Variants in PRKN observed in about 807,000 individuals in gnomAD.
The protein encoded by PRKN is parkin RBR E3 ubiquitin protein ligase.
PRKN carries 56 observed loss-of-function variants against 59.5 expected under a neutral mutation model. The ratio of observed to expected loss-of-function variants is 0.94; its 90% CI spans 0.76 to 1.18. The LOEUF (loss-of-function observed/expected upper bound fraction) is 1.18, where lower values mean the gene tolerates loss of function less well. Ranked by LOEUF, PRKN falls within the 50% of genes most tolerant of loss-of-function variation. The probability of loss-of-function intolerance (pLI) is 0.00; values close to 1 mark genes in which losing one functional copy is unlikely to be tolerated. For synonymous variants in PRKN, 250 were observed against 222.1 expected (o/e 1.13, Z -1.12); for missense variants, 657 against 596.4 (o/e 1.10, Z -1.06).
intron 9 of PRKN, among the ~76,000 whole-genome samples, chr6:161,500,668 G>C (rs181506451): frequency 2.7e-4 from 41 of 152,180 alleles, no homozygotes; most frequent in East Asian, 1.9e-4. Flanking sequence ...ATATCTCACT[G>C]TCTGGAAGTA....
chr6:162,223,343 T>C (rs891459696), intron 3 of PRKN, among the ~76,000 whole-genome samples: 1 of 152,038 alleles, frequency 6.6e-6, no homozygotes, highest in Non-Finnish European at 1.5e-5. Flanking sequence ...TTTCATGTGA[T>C]TGACACTCTT....
chr6:162,223,463 G>A (rs952907818), intron 3 of PRKN, among the ~76,000 whole-genome samples: 2 of 148,866 alleles, frequency 1.3e-5, no homozygotes, highest in Non-Finnish European at 2.9e-5. Context: ...AATTGTGACA[G>A]GCTGGAACTC....
chr6:162,561,563 A>AAAAAAC (rs1164883826), intron 1 of PRKN, among the ~76,000 whole-genome samples: 1 of 152,176 alleles, frequency 6.6e-6, no homozygotes, highest in African/African-American at 2.4e-5. Flanking sequence ...AAGTGATTTA[A>AAAAAAC]AAAAACAAAA....
At chr6:162,662,374 C>G (rs898083548) in intron 1 of PRKN, among the ~76,000 whole-genome samples, 2 of 150,502 alleles carry the variant, frequency 1.3e-5, no homozygotes, top group Non-Finnish European at 3.0e-5. Flanking sequence ...TGTAAGTTGT[C>G]TGTTTACACT....
intron 2 of PRKN, among the ~76,000 whole-genome samples, chr6:162,325,584 G>T (rs951443130): frequency 2.0e-5 from 3 of 152,074 alleles, no homozygotes; most frequent in African/African-American, 4.8e-5. Context: ...TGCTACTGGT[G>T]AGACCTACAA....
chr6:162,387,553 CACAGAGAGAGAG>C (rs778197321), intron 2 of PRKN, among the ~76,000 whole-genome samples: 4,645 of 79,592 alleles, frequency 0.058, 97 homozygotes, highest in Middle Eastern at 0.12. Context: ...CACACACACA[CACAGAGAGAGAG>C]AGAGAGAGAG....
rs539213842 is a variant in PRKN at position 162,410,274 on chromosome 6, C to T, written c.171+33036G>A. Among the ~76,000 whole-genome samples the T allele has an allele frequency of 2.6e-5, 4 of 152,156 alleles. No individual in the cohort carries two copies. In the East Asian group the frequency reaches 7.8e-4, roughly 30 times the overall value. On this transcript the variant is annotated intron_variant, in intron 2 of 11. Transcript: ENST00000366898. ...TGGCCCCCAGGAAGTATTCTTTGCCCCCATGGGGGGAAGAGATCCTCAGTT... is the reference window on the plus strand; with the variant it reads ...TGGCCCCCAGGAAGTATTCTTTGCCTCCATGGGGGGAAGAGATCCTCAGTT...
At chr6:162,506,962 T>G (rs1211562147) in intron 1 of PRKN, among the ~76,000 whole-genome samples, 1 of 152,128 alleles carries the variant, frequency 6.6e-6, no homozygotes, top group Non-Finnish European at 1.5e-5. Context: ...CAAAAATATT[T>G]TATATAATGA....
Position 161,390,483 on chromosome 6 carries a change from GATTT to G in PRKN, c.1084-3610_1084-3607del, listed in dbSNP as rs530500335. On this transcript the variant is annotated intron_variant, in intron 9 of 11. Coordinates refer to ENST00000366898, the MANE Select transcript of PRKN (RefSeq NM_004562.3). The surrounding 1 kb of genome is among the most constrained non-coding windows in gnomAD (Gnocchi z 7.0). ...AAACATCCATTTGGAACAAAGATGT[GATTT>G]ATTTATTTATTTATTTATTGAGACA... 4.6e-5 allele frequency among the ~76,000 whole-genome samples: 7 copies of G among 152,152 alleles called. No homozygotes were observed. The highest frequency in any genetic ancestry group is 1.4e-4 in the African/African-American group (6 of 41,522).
At chr6:162,520,285 A>T (rs1249550885) in intron 1 of PRKN, among the ~76,000 whole-genome samples, 1 of 152,216 alleles carries the variant, frequency 6.6e-6, no homozygotes, top group East Asian at 1.9e-4. Context: ...TTATTAGCTG[A>T]TGTTTTTAGT....
intron 7 of PRKN, among the ~76,000 whole-genome samples, chr6:161,687,388 CAAAAAAAAAAAAAAA>C (rs1192587302): frequency 3.9e-5 from 2 of 51,558 alleles, no homozygotes; most frequent in Non-Finnish European, 6.3e-5. Context: ...GACTCCATCT[CAAAAAAAAAAAAAAA>C]AAAAAAAAAA....
intron 2 of PRKN, among the ~76,000 whole-genome samples, chr6:162,437,688 C>T (rs796527399): frequency 3.3e-5 from 5 of 152,222 alleles, no homozygotes; most frequent in African/African-American, 1.2e-4. Context: ...AGTGTACGAT[C>T]TTTGGGGATG....
At chr6:162,448,289 C>T (rs1790418856) in intron 1 of PRKN, among the ~76,000 whole-genome samples, 1 of 152,086 alleles carries the variant, frequency 6.6e-6, no homozygotes, top group Non-Finnish European at 1.5e-5. Context: ...ATCTAGTATT[C>T]CCTAACTTTA....
At chr6:162,412,239 C>G (rs1788387558) in intron 2 of PRKN, among the ~76,000 whole-genome samples, 1 of 152,062 alleles carries the variant, frequency 6.6e-6, no homozygotes, top group Admixed American at 6.6e-5. Flanking sequence ...TGGAGTTGAA[C>G]TGCACAAAGC....
At chr6:162,526,389 C>A (rs1003118698) in intron 1 of PRKN, among the ~76,000 whole-genome samples, 2 of 150,670 alleles carry the variant, frequency 1.3e-5, no homozygotes, top group Non-Finnish European at 3.0e-5. Flanking sequence ...CGGTGGGTCA[C>A]GCCTGTAATC....
At chr6:161,636,522 T>A (rs1783527832) in intron 7 of PRKN, among the ~76,000 whole-genome samples, 1 of 152,182 alleles carries the variant, frequency 6.6e-6, no homozygotes, top group African/African-American at 2.4e-5. Context: ...TTAATGCACA[T>A]GCGGGAGTGC....
At chr6:162,465,536 A>T (rs1791373938) in intron 1 of PRKN, among the ~76,000 whole-genome samples, 1 of 152,252 alleles carries the variant, frequency 6.6e-6, no homozygotes, top group Admixed American at 6.5e-5. Context: ...GAAGCAGATT[A>T]AACAAATGAT....
intron 4 of PRKN, among the ~76,000 whole-genome samples, chr6:162,154,842 T>C (rs1412784588): frequency 2.0e-5 from 3 of 151,962 alleles, no homozygotes; most frequent in African/African-American, 7.2e-5. Context: ...GAATGAAAAC[T>C]TGATACACAT....
chr6:161,992,253 C>G (rs1460353137), intron 5 of PRKN, among the ~76,000 whole-genome samples: 1 of 152,004 alleles, frequency 6.6e-6, no homozygotes, highest in Admixed American at 6.6e-5. Flanking sequence ...GGCATGAGAA[C>G]TGCTTGAACC....
Sources: allele counts gnomAD v4.1 joint callset (sites outside exome capture counted in the v4.1 genomes callset), GRCh38; gene constraint gnomAD v4.1.1; non-coding constraint Gnocchi (gnomAD v3.1); transcripts MANE v1.5; gene names NCBI Gene and HGNC (gene_info 2026-07-23, HGNC 2026-07-21).